TMED8: variants seen among roughly 807,000 people sequenced by gnomAD.
The protein encoded by TMED8 is transmembrane p24 trafficking protein family member 8, also known as protein TMED8.
In TMED8, 15 loss-of-function variants were observed where a neutral mutation model predicts 32.7. The ratio of observed to expected loss-of-function variants is 0.46; its 90% CI spans 0.31 to 0.71. TMED8 has a LOEUF of 0.71. TMED8 is among the 30% of genes least tolerant of loss of function. The pLI is 0.06. For missense variants in TMED8, 390 were observed against 423.9 expected (o/e 0.92, Z 0.70); for synonymous variants, 147 against 161.4 (o/e 0.91, Z 0.68).
intron 1 of TMED8, among the ~76,000 whole-genome samples, chr14:77,370,755 G>C (rs929935021): frequency 3.3e-5 from 5 of 151,942 alleles, no homozygotes; most frequent in African/African-American, 1.2e-4. Flanking sequence ...GTGTGTGTGT[G>C]TGTGTGTGTG....
At chr14:77,369,882 C>T (rs1228026531) in intron 1 of TMED8, among the ~76,000 whole-genome samples, 1 of 152,170 alleles carries the variant, frequency 6.6e-6, no homozygotes, top group East Asian at 1.9e-4. Flanking sequence ...AAAAATAGTT[C>T]TGCCCTCTGC....
chr14:77,369,663 T>C (rs1893632838), intron 1 of TMED8, among the ~76,000 whole-genome samples: 1 of 152,218 alleles, frequency 6.6e-6, no homozygotes, highest in East Asian at 1.9e-4. Context: ...CTTGGATCTC[T>C]ATAGCTCTCA....
chr14:77,343,425 G>T lies in TMED8; in HGVS notation c.513C>A (p.Phe171Leu). 1 of 1,613,800 alleles carries T rather than the reference G, an allele frequency of 6.2e-7. No individual in the cohort carries two copies. Among genetic ancestry groups the T allele is most frequent in the Non-Finnish European group, 8.5e-7 (1 of 1,179,854 alleles). The change falls in exon 5 of 6, where the codon TTC (phenylalanine) becomes TTA (leucine). Residue 171 changes from phenylalanine (F) to leucine (L), a missense_variant. Coordinates refer to ENST00000216468, the MANE Select transcript of TMED8 (RefSeq NM_213601.3). The part of the protein sequence containing the change: ...CIWTFAKVKE[F>L]KSKLGKEKNS... ...TCTTCTCTTTGCCCAGCTTGCTTTTGAATTCCTTCACCTTGGCAAAGGTCC... is the reference window on the plus strand; with the variant it reads ...TCTTCTCTTTGCCCAGCTTGCTTTTTAATTCCTTCACCTTGGCAAAGGTCC...
At chr14:77,358,066 G>C (rs143562393) in intron 1 of TMED8, among the ~76,000 whole-genome samples, 4 of 146,752 alleles carry the variant, frequency 2.7e-5, no homozygotes, top group Non-Finnish European at 6.0e-5. Flanking sequence ...GGAGGTTGCA[G>C]TGAGCTGAGA....
intron 1 of TMED8, among the ~76,000 whole-genome samples, chr14:77,353,294 C>G (rs543411737): frequency 6.6e-6 from 1 of 152,282 alleles, no homozygotes; most frequent in Non-Finnish European, 1.5e-5. Context: ...ATACAAAATG[C>G]AACTTAAGTA....
chr14:77,374,175 CT>C (rs1261257265), intron 1 of TMED8, among the ~76,000 whole-genome samples: 1 of 152,180 alleles, frequency 6.6e-6, no homozygotes, highest in Non-Finnish European at 1.5e-5. Context: ...AAATTTCATT[CT>C]TTCTTAGAGC....
In TMED8 at chr14:77,343,908, G is replaced by A. The variant is rs1053658633; in HGVS notation, c.328-85C>T. ...TTTGCATGAAGGCTGCCCCACCCCT[G>A]CTCTATTATCTCCACTATCCCCACT... is the stretch of plus-strand genomic sequence containing the variant. On this transcript the variant is annotated intron_variant, in intron 3 of 5. Coordinates refer to ENST00000216468, the MANE Select transcript of TMED8 (RefSeq NM_213601.3). The A allele has an allele frequency of 4.6e-5, 66 of 1,436,400 alleles. 1 individual carries two copies. The East Asian group carries it at 1.1e-3, about 24-fold the overall frequency. The allele number at this position is 1,436,400 out of a possible 1,614,324, so 89.0% of individuals were successfully genotyped here.
intron 1 of TMED8, among the ~76,000 whole-genome samples, chr14:77,368,221 C>T (rs1006412025): frequency 6.6e-6 from 1 of 152,026 alleles, no homozygotes; most frequent in Non-Finnish European, 1.5e-5. Flanking sequence ...TAGATAATGC[C>T]GAACTATTTT....
intron 2 of TMED8, among the ~76,000 whole-genome samples, chr14:77,348,327 G>A (rs1054370577): frequency 4.0e-5 from 6 of 151,326 alleles, no homozygotes; most frequent in African/African-American, 9.7e-5. Flanking sequence ...GGTTCACTCC[G>A]TTCTCCTGCC....
intron 1 of TMED8, among the ~76,000 whole-genome samples, chr14:77,373,206 A>T (rs1893737880): frequency 6.6e-6 from 1 of 151,190 alleles, no homozygotes; most frequent in Admixed American, 6.6e-5. Flanking sequence ...CATCCTCAAC[A>T]TCTAAATGTA....
chr14:77,343,009 A>G (rs1189189985), intron 5 of TMED8, among the ~76,000 whole-genome samples, 169 bp downstream of exon 5: 1 of 152,166 alleles, frequency 6.6e-6, no homozygotes, highest in Non-Finnish European at 1.5e-5. Flanking sequence ...AGGCAGCAGT[A>G]TCAACCCCAC....
chr14:77,375,939 C>G (rs1893804455), intron 1 of TMED8, among the ~76,000 whole-genome samples: 1 of 152,224 alleles, frequency 6.6e-6, no homozygotes, highest in Non-Finnish European at 1.5e-5. Flanking sequence ...GATGAGGAAA[C>G]TGACGTTTCA....
chr14:77,371,785 C>G (rs1022095928), intron 1 of TMED8, among the ~76,000 whole-genome samples: 1 of 152,150 alleles, frequency 6.6e-6, no homozygotes, highest in East Asian at 1.9e-4. Flanking sequence ...TATAGTATAG[C>G]TTTTATTATA....
At chr14:77,352,485 T>C (rs1246489704) in intron 1 of TMED8, among the ~76,000 whole-genome samples, 2 of 151,722 alleles carry the variant, frequency 1.3e-5, no homozygotes, top group Non-Finnish European at 2.9e-5. Context: ...ACACTTGTAA[T>C]CCCAGCACTT....
chr14:77,335,835 C>G lies in TMED8; in HGVS notation c.*5936G>C, dbSNP rs573858220. On this transcript the variant is annotated 3_prime_UTR_variant, in exon 6 of 6. Transcript: ENST00000216468. Reference sequence around the variant, plus strand: ...ATAATTTAGCTTGGTTAAATGAAAGCTACTTCACTTACAGGATAATCTCAG... The same window carrying G: ...ATAATTTAGCTTGGTTAAATGAAAGGTACTTCACTTACAGGATAATCTCAG... The G allele has an allele frequency of 3.9e-5, 6 of 152,186 alleles. No individual in the cohort carries two copies. Among genetic ancestry groups the G allele is most frequent in the Non-Finnish European group, 7.3e-5 (5 of 68,040 alleles). The allele number at this position is 152,186 out of a possible 1,614,324, so 9.4% of individuals were successfully genotyped here.
intron 3 of TMED8, among the ~76,000 whole-genome samples, chr14:77,345,861 T>C (rs551199828): frequency 2.0e-5 from 3 of 150,104 alleles, no homozygotes; most frequent in Middle Eastern, 7.0e-3. Context: ...TCCCAGCTAC[T>C]CGGGAGGCGA....
At chr14:77,351,402 G>A (rs376053223) in intron 2 of TMED8, among the ~76,000 whole-genome samples, 2,244 of 141,628 alleles carry the variant, frequency 0.016, 62 homozygotes, top group African/African-American at 0.057. Flanking sequence ...TGGCCACCAC[G>A]CCCCGCTAAT....
chr14:77,367,258 A>G (rs1314422552), intron 1 of TMED8, among the ~76,000 whole-genome samples: 1 of 150,264 alleles, frequency 6.7e-6, no homozygotes, highest in Non-Finnish European at 1.5e-5. Flanking sequence ...AAAAAAAAAA[A>G]AAAAAAAAAC....
intron 1 of TMED8, among the ~76,000 whole-genome samples, chr14:77,371,461 A>AT (rs914055764): frequency 3.2e-4 from 49 of 152,082 alleles, no homozygotes; most frequent in Non-Finnish European, 5.3e-4. Flanking sequence ...TATGCTTTTG[A>AT]TTTTTTTTCT....
Sources: allele counts gnomAD v4.1 joint callset (sites outside exome capture counted in the v4.1 genomes callset), GRCh38; gene constraint gnomAD v4.1.1; transcripts MANE v1.5; gene names NCBI Gene and HGNC (gene_info 2026-07-23, HGNC 2026-07-21).